The following VAPB variants were observed in gnomAD, a reference collection of about 807,000 sequenced individuals.
VAPB encodes the protein VAMP associated protein B and C.
VAPB carries 7 observed loss-of-function variants against 25.6 expected under a neutral mutation model. The ratio of observed to expected loss-of-function variants is 0.27; its 90% confidence interval spans 0.16 to 0.51. The LOEUF is 0.51. Among genes scored for constraint, VAPB ranks in the 20% least tolerant of loss-of-function variants. VAPB has a pLI of 0.97. For synonymous variants in VAPB, 112 were observed against 109.2 expected (o/e 1.03, Z -0.16); for missense variants, 266 against 301.3 (o/e 0.88, Z 0.87).
chr20:58,413,355 C>G (rs6026250), intron 1 of VAPB, among the ~76,000 whole-genome samples: 1,805 of 151,596 alleles, frequency 0.012, 45 homozygotes, highest in African/African-American at 0.041. Context: ...TGACTCTTAA[C>G]GAGCATGCTG....
At chr20:58,437,720 C>T (rs538909193) in intron 3 of VAPB, among the ~76,000 whole-genome samples, 2 of 152,180 alleles carry the variant, frequency 1.3e-5, no homozygotes, top group African/African-American at 2.4e-5. Flanking sequence ...GATTTTTTCA[C>T]TTAACATTCT....
intron 1 of VAPB, among the ~76,000 whole-genome samples, chr20:58,415,072 G>A (rs931804244): frequency 2.3e-4 from 35 of 152,132 alleles, no homozygotes; most frequent in Non-Finnish European, 5.1e-4. Flanking sequence ...AAACCAGTCA[G>A]GCGTGGCGGC....
intron 1 of VAPB, among the ~76,000 whole-genome samples, chr20:58,414,400 C>G (rs1238775324): frequency 6.6e-6 from 1 of 150,398 alleles, no homozygotes; most frequent in Non-Finnish European, 1.5e-5. Context: ...GGGTGGCCGC[C>G]GGGCGGAGAG....
At position 58,440,716 on chromosome 20, in the gene VAPB, T is replaced by C. The variant is rs995533772; in HGVS notation, c.397-191T>C. 9 of 539,964 alleles carry C rather than the reference T, an allele frequency of 1.7e-5. No homozygotes were observed. In the African/African-American group the frequency reaches 1.7e-4, roughly 10 times the overall value. The allele number at this position is 539,964 out of a possible 1,614,324, so 33.4% of individuals were successfully genotyped here. ...TCATTATTTGCCCTTATCCATAATT[T>C]CTAGGGCCCTGTTGCTTTAGATTAT... On this transcript the variant is annotated intron_variant, in intron 4 of 5. Coordinates refer to ENST00000475243, the MANE Select transcript of VAPB (RefSeq NM_004738.5).
chr20:58,410,876 AT>A (rs1443867919), intron 1 of VAPB, among the ~76,000 whole-genome samples: 4 of 152,096 alleles, frequency 2.6e-5, no homozygotes, highest in African/African-American at 9.7e-5. Flanking sequence ...TTTATAGCTC[AT>A]TTCTTTTTAG....
At chr20:58,405,452 G>GTTTATTTTTATT (rs75779168) in intron 1 of VAPB, among the ~76,000 whole-genome samples, 42 of 149,742 alleles carry the variant, frequency 2.8e-4, no homozygotes, top group South Asian at 1.3e-3. Flanking sequence ...CTGAGCAGGA[G>GTTTATTTTTATT]TTTATTTTTA....
At chr20:58,429,728 TCTC>T (rs1258977409) in intron 2 of VAPB, among the ~76,000 whole-genome samples, 2 of 152,140 alleles carry the variant, frequency 1.3e-5, no homozygotes, top group Admixed American at 6.5e-5. Flanking sequence ...TTTGTGTAAA[TCTC>T]CTTTCTCTTT....
intron 2 of VAPB, among the ~76,000 whole-genome samples, chr20:58,429,898 C>T (rs1422710510): frequency 6.6e-6 from 1 of 151,944 alleles, no homozygotes; most frequent in Non-Finnish European, 1.5e-5. Context: ...GGTCTCAGGA[C>T]CCCTTTACAT....
Position 58,415,774 on chromosome 20 carries a change from G to GT in VAPB, c.59-2436dup, listed in dbSNP as rs535194445. On this transcript the variant is annotated intron_variant, in intron 1 of 5. Transcript: ENST00000475243. ...CAGTTTTATGAAATGAAAGTGACTA[G>GT]TAAAAGTCTGAATGATGCTCATAAG... Among the ~76,000 whole-genome samples, 945 of 152,306 alleles carry GT rather than the reference G, an allele frequency of 6.2e-3. 8 individuals carry two copies. Among genetic ancestry groups the GT allele is most frequent in the Middle Eastern group, 0.01 (3 of 294 alleles).
intron 2 of VAPB, among the ~76,000 whole-genome samples, chr20:58,423,853 T>C (rs1988728046): frequency 2.6e-5 from 4 of 152,236 alleles, no homozygotes; most frequent in Admixed American, 2.6e-4. Context: ...ATTCATACTT[T>C]AAAAGATGTC....
At position 58,448,463 on chromosome 20, in the gene VAPB, A is replaced by C. The variant is rs577814482; in HGVS notation, c.*4228A>C. ...TTCGCTCATTGAACTTAATCCTTGCAACTGTGACTGGGGGGTAGATGGCTC... is the reference window on the plus strand; with the variant it reads ...TTCGCTCATTGAACTTAATCCTTGCCACTGTGACTGGGGGGTAGATGGCTC... On this transcript the variant is annotated 3_prime_UTR_variant, in exon 6 of 6. Transcript: ENST00000475243. 1 of 454,114 alleles carries C rather than the reference A, an allele frequency of 2.2e-6. No individual in the cohort carries two copies. Among genetic ancestry groups the C allele is most frequent in the East Asian group, 6.9e-5 (1 of 14,390 alleles). The allele number at this position is 454,114 out of a possible 1,614,324, so 28.1% of individuals were successfully genotyped here.
rs374843100 is a variant in VAPB, at chr20:58,446,334, C to T, written c.*2099C>T. On this transcript the variant is annotated 3_prime_UTR_variant, in exon 6 of 6. Transcript: ENST00000475243. ...TGTAGTTGCTGCAGCCAGTTAAGTCCTGTAGCTTCCAGGCCCTCATGTCTT... is the reference window on the plus strand; with the variant it reads ...TGTAGTTGCTGCAGCCAGTTAAGTCTTGTAGCTTCCAGGCCCTCATGTCTT... The T allele has an allele frequency of 7.9e-5, 36 of 453,986 alleles. 1 individual carries two copies. Among genetic ancestry groups the T allele is most frequent in the East Asian group, 6.9e-4 (10 of 14,412 alleles). 28.1% of individuals were successfully genotyped at this position (453,986 alleles called of 1,614,324 possible). A position where few individuals can be genotyped will look rare whatever the true frequency, so the allele number is the denominator to read the frequency against.
intron 2 of VAPB, among the ~76,000 whole-genome samples, chr20:58,430,555 T>C (rs1283015565): frequency 6.7e-6 from 1 of 149,388 alleles, no homozygotes; most frequent in Non-Finnish European, 1.5e-5. Context: ...CTGCTGTGCC[T>C]GGCCTGCAAA....
intron 4 of VAPB, chr20:58,439,253 G>GC: frequency 1.8e-6 from 1 of 542,500 alleles, no homozygotes; most frequent in Non-Finnish European, 3.3e-6. Context: ...GAAAAGTGCA[G>GC]CCCGATGGCC....
chr20:58,397,176 G>A (rs1987978870), intron 1 of VAPB, among the ~76,000 whole-genome samples: 1 of 152,164 alleles, frequency 6.6e-6, no homozygotes, highest in African/African-American at 2.4e-5. Context: ...TTTCTCTTGT[G>A]AATATTCACT....
intron 2 of VAPB, among the ~76,000 whole-genome samples, chr20:58,424,008 C>CT (rs917353806): frequency 6.6e-6 from 1 of 152,118 alleles, no homozygotes; most frequent in Admixed American, 6.6e-5. Flanking sequence ...AGAATTGTTA[C>CT]TTTTTTTGTG....
At position 58,450,780 on chromosome 20, in the gene VAPB, A is replaced by G. The variant is rs1031766795; in HGVS notation, c.*6545A>G. The G allele has an allele frequency of 2.9e-5, 13 of 454,062 alleles. No individual in the cohort carries two copies. The Middle Eastern group carries it at 2.1e-3, about 73-fold the overall frequency. 28.1% of individuals were successfully genotyped at this position (454,062 alleles called of 1,614,324 possible). A position where few individuals can be genotyped will look rare whatever the true frequency, so the allele number is the denominator to read the frequency against. On this transcript the variant is annotated 3_prime_UTR_variant, in exon 6 of 6. Coordinates refer to ENST00000475243, the MANE Select transcript of VAPB (RefSeq NM_004738.5). ...GTCTTAGAATGCTTTAGTTTTCATA[A>G]TTTGTCCTTTATGTATTTTTCATTG...
Position 58,449,672 on chromosome 20 carries a change from A to T in VAPB, c.*5437A>T. 4.4e-6 allele frequency: 2 copies of T among 454,118 alleles called. No individual in the cohort carries two copies. Among genetic ancestry groups the T allele is most frequent in the Non-Finnish European group, 8.8e-6 (2 of 226,784 alleles). 28.1% of individuals were successfully genotyped at this position (454,118 alleles called of 1,614,324 possible). A position where few individuals can be genotyped will look rare whatever the true frequency, so the allele number is the denominator to read the frequency against. ...GCTTTCTGCTGCTAGATAAATGCTG[A>T]TGTTTATTTTTAAACCAGGAAACAT... On this transcript the variant is annotated 3_prime_UTR_variant, in exon 6 of 6. Coordinates refer to ENST00000475243, the MANE Select transcript of VAPB (RefSeq NM_004738.5).
intron 2 of VAPB, among the ~76,000 whole-genome samples, chr20:58,422,247 G>T (rs1455059158): frequency 6.6e-6 from 1 of 152,208 alleles, no homozygotes; most frequent in Non-Finnish European, 1.5e-5. Flanking sequence ...GATAGGGGGT[G>T]CAGGGGGCTT....
Sources: allele counts gnomAD v4.1 joint callset (sites outside exome capture counted in the v4.1 genomes callset), GRCh38; gene constraint gnomAD v4.1.1; transcripts MANE v1.5; gene names NCBI Gene and HGNC (gene_info 2026-07-23, HGNC 2026-07-21).